The following NOC3L variants were observed in gnomAD, a reference collection of about 807,000 sequenced individuals.
NOC3L encodes NOC3 like DNA replication regulator, also known as nucleolar complex protein 3 homolog.
Under a neutral mutation model 102.5 loss-of-function variants are expected in NOC3L, and 85 were observed. The observed-to-expected ratio is 0.83, with a 90% CI of 0.70 to 0.99. The LOEUF (loss-of-function observed/expected upper bound fraction) is 0.99. NOC3L is among the 50% of genes least tolerant of loss of function. NOC3L has a pLI of 0.00. For synonymous variants in NOC3L, 303 were observed against 309.4 expected, an observed-to-expected ratio of 0.98 and a Z score of 0.22; for missense variants, 878 against 914.9, an observed-to-expected ratio of 0.96 and a Z score of 0.52.
At chr10:94,334,609 TA>T (rs749221710) in intron 20 of NOC3L, 24 bp downstream of exon 20, 3 of 1,564,964 alleles carry the variant, frequency 1.9e-6, no homozygotes, top group South Asian at 1.1e-5. Context: ...TTTCTTCCTT[TA>T]AAAAAATGAA....
chr10:94,357,460 G>T, intron 3 of NOC3L, 129 bp from the exon 4 acceptor site: 1 of 617,160 alleles, frequency 1.6e-6, no homozygotes, highest in Non-Finnish European at 2.4e-6. Flanking sequence ...TAGCACTTAG[G>T]CTAGTGTCTG....
Position 94,350,308 on chromosome 10 carries a change from A to G in NOC3L, c.953-20T>C, listed in dbSNP as rs2054399548. ...TCCAATCTAATCAAAAGATAACTGTAGTTACTTTACTCATTGGTCAAAAGT... is the reference window on the plus strand; with the variant it reads ...TCCAATCTAATCAAAAGATAACTGTGGTTACTTTACTCATTGGTCAAAAGT... On this transcript the variant is annotated intron_variant, in intron 8 of 20. Coordinates refer to ENST00000371361, the MANE Select transcript of NOC3L (RefSeq NM_022451.11). The G allele has an allele frequency of 6.2e-7, 1 of 1,607,784 alleles. No individual in the cohort carries two copies. The highest frequency in any genetic ancestry group is 8.5e-7 in the Non-Finnish European group (1 of 1,174,714).
At chr10:94,323,399 C>T in the NOC3L span, among the ~76,000 whole-genome samples, 1 of 152,286 alleles carries the variant, frequency 6.6e-6, no homozygotes, top group East Asian at 1.9e-4. Context: ...CAGATCTGTG[C>T]CTTAGTTATA....
At chr10:94,331,869 C>CTTTTTTTTTTTTTTTTTTTTTTTTT (rs36054579), downstream of NOC3L, 1 of 119,094 alleles carries the variant, frequency 8.4e-6, no homozygotes. Context: ...CCAAGTTATT[C>CTTTTTTTTTTTTTTTTTTTTTTTTT]TTTTTTTTTT....
In NOC3L at chr10:94,358,176, G is replaced by GCTTCTT. The variant is rs781446479; in HGVS notation, c.251_256dup (p.Glu84_Glu85dup). 6.2e-7 allele frequency: 1 copy of GCTTCTT among 1,606,172 alleles called. No homozygotes were observed. The highest frequency in any genetic ancestry group is 8.5e-7 in the Non-Finnish European group (1 of 1,174,882). On this transcript the variant is annotated inframe_insertion, in exon 3 of 21. Transcript: ENST00000371361. Reference sequence around the variant, plus strand: ...TTCATCCATCATATCTAAAGGAAGGGCTTCTTCTTCTTCCTCTTCTTCCCT... The same window carrying GCTTCTT: ...TTCATCCATCATATCTAAAGGAAGGGCTTCTTCTTCTTCTTCTTCCTCTTCTTCCCT...
chr10:94,317,266 CAAGG>C, the NOC3L span, among the ~76,000 whole-genome samples: 1 of 151,972 alleles, frequency 6.6e-6, no homozygotes, highest in Non-Finnish European at 1.5e-5. Context: ...AAAAAAAAGA[CAAGG>C]AAATATGTTT....
intron 2 of NOC3L, among the ~76,000 whole-genome samples, chr10:94,360,320 A>T (rs931800291): frequency 1.9e-4 from 29 of 152,100 alleles, no homozygotes; most frequent in East Asian, 1.2e-3. Flanking sequence ...ATCTCAAAAA[A>T]AATAATAATA....
At position 94,334,693 on chromosome 10, in the gene NOC3L, A is replaced by G. The variant is rs1246195031; in HGVS notation, c.2215T>C (p.Tyr739His). The G allele has an allele frequency of 1.2e-6, 2 of 1,613,172 alleles. No homozygotes were observed. The highest frequency in any genetic ancestry group is 1.7e-5 in the Admixed American group (1 of 59,962). Residue 739 changes from tyrosine to histidine, a missense_variant, in exon 20 of 21, where the codon TAT becomes CAT. Coordinates refer to ENST00000371361, the MANE Select transcript of NOC3L (RefSeq NM_022451.11). ...RRSATELFEA[Y>H]SMAEMTFNPP... is the part of the protein sequence containing the mutation. ...TTGAATGTCATTTCTGCCATGCTATATGCCTCAAAAAGTTCAGTAGCAGAT... is the reference window on the plus strand; with the variant it reads ...TTGAATGTCATTTCTGCCATGCTATGTGCCTCAAAAAGTTCAGTAGCAGAT...
intron 8 of NOC3L, among the ~76,000 whole-genome samples, chr10:94,350,505 T>TTGAGACC (rs1488464847): frequency 3.3e-5 from 5 of 151,436 alleles, no homozygotes; most frequent in Non-Finnish European, 7.4e-5. Flanking sequence ...GCTCAGGAGA[T>TTGAGACC]TGAGACCATC....
the NOC3L span, among the ~76,000 whole-genome samples, chr10:94,318,219 G>C: frequency 2.6e-5 from 4 of 152,142 alleles, no homozygotes; most frequent in African/African-American, 9.7e-5. Flanking sequence ...TAATTGCTAA[G>C]ACAGAGACCA....
chr10:94,327,979 T>C, the NOC3L span: 1 of 532,744 alleles, frequency 1.9e-6, no homozygotes, highest in East Asian at 5.4e-5. Context: ...TGAAGATCTT[T>C]AAGCAAGAAG....
intron 5 of NOC3L, among the ~76,000 whole-genome samples, chr10:94,355,695 T>C (rs963926308): frequency 3.3e-5 from 5 of 152,152 alleles, no homozygotes; most frequent in African/African-American, 1.2e-4. Flanking sequence ...AGCCTAGAGC[T>C]CATATTCTTA....
intron 6 of NOC3L, 120 bp downstream of exon 6, chr10:94,354,840 GCTA>G: frequency 1.1e-6 from 1 of 904,560 alleles, no homozygotes; most frequent in Non-Finnish European, 1.7e-6. Context: ...CTCTAACCCA[GCTA>G]CTATGTTTAG....
chr10:94,320,608 G>A, the NOC3L span, among the ~76,000 whole-genome samples: 1 of 152,196 alleles, frequency 6.6e-6, no homozygotes, highest in South Asian at 2.1e-4. Context: ...GGAGAGATGA[G>A]GCTAGAATTC....
rs1297809308 is a variant in NOC3L, at chr10:94,339,863, T to C, written c.1838A>G (p.Lys613Arg). 1 of 1,614,114 alleles carries C rather than the reference T, an allele frequency of 6.2e-7. No homozygotes were observed. The highest frequency in any genetic ancestry group is 1.3e-5 in the African/African-American group (1 of 74,944). Residue 613 changes from lysine (K) to arginine (R), a missense_variant, in exon 17 of 21, where the codon AAG becomes AGG. Physicochemically the swap from Lys to Arg is conservative, Grantham distance 26. Transcript: ENST00000371361. ...VLQCLDVMLT[K>R]RRKQVSQQRA... ...CTGCTGAGAAACTTGCTTTCTGCGC[T>C]TAGTTAGCATGACATCAAGGCACTG...
chr10:94,329,802 A>C (rs922693156), downstream of NOC3L: 8 of 147,588 alleles, frequency 5.4e-5, no homozygotes, highest in East Asian at 2.1e-4. Flanking sequence ...AAAAAAAAAA[A>C]AAAAAAAAAC....
intron 14 of NOC3L, 150 bp downstream of exon 14, chr10:94,341,523 T>A: frequency 2.6e-6 from 1 of 386,244 alleles, no homozygotes; most frequent in Non-Finnish European, 4.6e-6. Context: ...GTGGTGGTAA[T>A]CATATGATCA....
At chr10:94,362,051 G>A in intron 1 of NOC3L, 179 bp from the exon 2 acceptor site, 1 of 662,320 alleles carries the variant, frequency 1.5e-6, no homozygotes, top group Non-Finnish European at 2.7e-6. Flanking sequence ...GAGCGCTACA[G>A]CATCAGTTAT....
chr10:94,340,143 T>A, intron 16 of NOC3L, 133 bp downstream of exon 16: 2 of 813,496 alleles, frequency 2.5e-6, no homozygotes, highest in Non-Finnish European at 3.9e-6. Context: ...TAAGATTAAA[T>A]ACAGATGCAT....
Sources: gnomAD v4.1 joint callset for allele counts (sites outside exome capture counted in the v4.1 genomes callset) on GRCh38, gnomAD v4.1.1 for gene constraint, MANE v1.5 for transcripts, NCBI Gene and HGNC (gene_info 2026-07-23, HGNC 2026-07-21) for gene names.